Variants in STIM1 observed in about 807,000 individuals in gnomAD.
STIM1 encodes stromal interaction molecule 1.
A neutral mutation model predicts 74.7 loss-of-function variants in STIM1; 25 were observed. The observed-to-expected ratio is 0.33, with a 90% confidence interval of 0.24 to 0.47. The LOEUF is 0.47. STIM1 is among the 20% of genes least tolerant of loss of function. STIM1 has a pLI of 1.00. For missense variants in STIM1, 728 were observed against 920.8 expected (o/e 0.79, Z 2.71); for synonymous variants, 328 against 348.8 (o/e 0.94, Z 0.66).
chr11:3,979,308 C>T (rs529504633), intron 2 of STIM1, among the ~76,000 whole-genome samples: 1 of 152,328 alleles, frequency 6.6e-6, no homozygotes, highest in Admixed American at 6.5e-5. Context: ...GTTGTACATG[C>T]TGCCAGTGAT....
At chr11:4,086,796 G>A in intron 12 of STIM1, 1 of 1,536,518 alleles carries the variant, frequency 6.5e-7, no homozygotes, top group Non-Finnish European at 8.7e-7. Context: ...TCCAGATGGA[G>A]CCCTACCCTG....
chr11:3,901,207 T>A (rs757570693), intron 1 of STIM1, among the ~76,000 whole-genome samples: 1 of 152,070 alleles, frequency 6.6e-6, no homozygotes, highest in Non-Finnish European at 1.5e-5. Context: ...TAAGTGTTCT[T>A]CAGAATGTCA....
At chr11:3,907,569 C>A (rs1372076570) in intron 1 of STIM1, among the ~76,000 whole-genome samples, 1 of 152,184 alleles carries the variant, frequency 6.6e-6, no homozygotes, top group Admixed American at 6.5e-5. Flanking sequence ...AACTGATTGC[C>A]CTGCTTTTGC....
chr11:3,892,854 C>G, intron 1 of STIM1: 2 of 1,606,688 alleles, frequency 1.2e-6, no homozygotes, highest in Non-Finnish European at 1.7e-6. Context: ...TCGCTGTTGA[C>G]AGCAATGTCG....
intron 1 of STIM1, among the ~76,000 whole-genome samples, chr11:3,960,167 A>AG (rs1478204261): frequency 6.6e-6 from 1 of 152,138 alleles, no homozygotes; most frequent in Non-Finnish European, 1.5e-5. Flanking sequence ...CTTTTTTTTC[A>AG]GGCAGCACTA....
rs1481646648 is a variant in STIM1, at chr11:4,002,178, C to T, written c.271-21695C>T. ...CCACTGTCAACATTAGACAGATCAA[C>T]GAGACAGAAAGTTAACAAGGATACC... On this transcript the variant is annotated intron_variant, in intron 2 of 12. Coordinates refer to ENST00000526596, the MANE Select transcript of STIM1 (RefSeq NM_001382567.1). 4.1e-3 allele frequency among the ~76,000 whole-genome samples: 601 copies of T among 147,194 alleles called. 3 individuals carry two copies. The highest frequency in any genetic ancestry group is 0.014 in the African/African-American group (562 of 39,606).
chr11:3,960,836 T>A (rs1333643407), intron 1 of STIM1, among the ~76,000 whole-genome samples: 1 of 152,172 alleles, frequency 6.6e-6, no homozygotes, highest in Non-Finnish European at 1.5e-5. Flanking sequence ...TTTAAAAGAT[T>A]TGCAAAAATG....
intron 1 of STIM1, among the ~76,000 whole-genome samples, chr11:3,956,776 T>C (rs2135693226): frequency 8.2e-6 from 1 of 121,748 alleles, no homozygotes; most frequent in East Asian, 2.5e-4. Flanking sequence ...TGAACCATGA[T>C]CATGCAATTG....
intron 7 of STIM1, among the ~76,000 whole-genome samples, chr11:4,080,170 C>T (rs566257216): frequency 6.6e-5 from 10 of 152,052 alleles, no homozygotes; most frequent in East Asian, 1.9e-4. Flanking sequence ...CACTTGAGCC[C>T]GGGAGGCAGA....
chr11:4,083,822 G>T (rs1210764414), intron 10 of STIM1, among the ~76,000 whole-genome samples: 3 of 152,082 alleles, frequency 2.0e-5, no homozygotes, highest in Non-Finnish European at 2.9e-5. Context: ...GAATTTCAAT[G>T]TAAAAATGGC....
At chr11:4,043,797 A>C (rs1233946273) in intron 3 of STIM1, among the ~76,000 whole-genome samples, 1 of 152,042 alleles carries the variant, frequency 6.6e-6, no homozygotes, top group Non-Finnish European at 1.5e-5. Context: ...TGGGCGGATC[A>C]CGAGGTCAGG....
chr11:3,885,727 T>C (rs2091680314), intron 1 of STIM1, among the ~76,000 whole-genome samples: 1 of 152,204 alleles, frequency 6.6e-6, no homozygotes, highest in Non-Finnish European at 1.5e-5. Context: ...AGCCTTGACC[T>C]CCTTGGCTCA....
At chr11:3,879,042 G>A (rs965604309) in intron 1 of STIM1, among the ~76,000 whole-genome samples, 4 of 151,696 alleles carry the variant, frequency 2.6e-5, no homozygotes, top group Admixed American at 6.6e-5. Context: ...TGCAACCTCC[G>A]CCTCCCGGGT....
intron 2 of STIM1, among the ~76,000 whole-genome samples, chr11:3,996,300 G>T (rs563009228): frequency 6.6e-6 from 1 of 152,086 alleles, no homozygotes; most frequent in Non-Finnish European, 1.5e-5. Flanking sequence ...GGTCTTTTTG[G>T]TTTTCTTCTC....
At chr11:3,987,891 C>T (rs1288541710) in intron 2 of STIM1, among the ~76,000 whole-genome samples, 1 of 151,918 alleles carries the variant, frequency 6.6e-6, no homozygotes, top group Non-Finnish European at 1.5e-5. Context: ...AGCCTAAATC[C>T]CCCCTCTTAG....
intron 2 of STIM1, among the ~76,000 whole-genome samples, chr11:3,988,643 C>T (rs2093580005): frequency 6.6e-6 from 1 of 152,040 alleles, no homozygotes; most frequent in Non-Finnish European, 1.5e-5. Flanking sequence ...GCACAGTAAC[C>T]AAGTGATTAG....
chr11:4,001,473 A>G (rs1029060063), intron 2 of STIM1, among the ~76,000 whole-genome samples: 1 of 152,224 alleles, frequency 6.6e-6, no homozygotes, highest in African/African-American at 2.4e-5. Context: ...AGAATTTCAT[A>G]TCCAGCCAAA....
chr11:4,055,092 G>A (rs941014913), intron 3 of STIM1, among the ~76,000 whole-genome samples: 5 of 151,996 alleles, frequency 3.3e-5, no homozygotes, highest in Non-Finnish European at 7.4e-5. Flanking sequence ...CTCAACCCTG[G>A]TCACAACAGT....
chr11:4,000,571 CA>C (rs1288869910), intron 2 of STIM1, among the ~76,000 whole-genome samples: 1 of 151,740 alleles, frequency 6.6e-6, no homozygotes, highest in Non-Finnish European at 1.5e-5. Flanking sequence ...ACATCCACAC[CA>C]AAAACCCATC....
Sources: allele counts gnomAD v4.1 joint callset (sites outside exome capture counted in the v4.1 genomes callset), GRCh38; gene constraint gnomAD v4.1.1; transcripts MANE v1.5; gene names NCBI Gene and HGNC (gene_info 2026-07-23, HGNC 2026-07-21).